CHST11: variants seen among roughly 807,000 people sequenced by gnomAD.
CHST11 encodes the protein C4S-1.
CHST11 carries 9 observed loss-of-function variants against 30.4 expected under a neutral mutation model. That is an observed-to-expected ratio of 0.30 (90% CI 0.18 to 0.52). The LOEUF (loss-of-function observed/expected upper bound fraction) is 0.52. Ranked by LOEUF, CHST11 falls within the 20% of genes least tolerant of loss-of-function variation. The pLI is 0.97. For synonymous variants in CHST11, 152 were observed against 187.8 expected (o/e 0.81, Z 1.56); for missense variants, 348 against 460.6 (o/e 0.76, Z 2.24).
chr12:104,756,614 C>T (rs908783744), intron 2 of CHST11, among the ~76,000 whole-genome samples: 1 of 151,714 alleles, frequency 6.6e-6, no homozygotes, highest in African/African-American at 2.4e-5. Context: ...GTGGCACAGT[C>T]ATACCTCAAG....
intron 1 of CHST11, chr12:104,552,857 C>T (rs2038418014): frequency 6.6e-6 from 1 of 152,234 alleles, no homozygotes; most frequent in Admixed American, 6.5e-5. Flanking sequence ...CTTCCTCCCA[C>T]CCTTGGCCGA....
At chr12:104,710,445 C>G (rs1280065694) in intron 2 of CHST11, among the ~76,000 whole-genome samples, 1 of 152,078 alleles carries the variant, frequency 6.6e-6, no homozygotes, top group African/African-American at 2.4e-5. Context: ...GCTTCATTCC[C>G]GCTTGCGGTT....
At chr12:104,476,739 T>A (rs11112074) in intron 1 of CHST11, among the ~76,000 whole-genome samples, 18,479 of 151,722 alleles carry the variant, frequency 0.12, 1,234 homozygotes, top group South Asian at 0.19. Context: ...AGTGTGTGAA[T>A]ATGTCCATCT....
At chr12:104,590,584 A>C (rs1281216782) in intron 1 of CHST11, among the ~76,000 whole-genome samples, 1 of 152,186 alleles carries the variant, frequency 6.6e-6, no homozygotes, top group East Asian at 1.9e-4. Context: ...ACAGCCAATA[A>C]AGCATTTAAG....
At chr12:104,556,736 T>G in intron 1 of CHST11, among the ~76,000 whole-genome samples, 1 of 152,314 alleles carries the variant, frequency 6.6e-6, no homozygotes, top group East Asian at 1.9e-4. Context: ...ATCCCAGCAC[T>G]TTGGGAGGCC....
intron 2 of CHST11, among the ~76,000 whole-genome samples, chr12:104,670,471 C>CCCCCCACA (rs796644521): frequency 6.7e-6 from 1 of 150,272 alleles, no homozygotes; most frequent in Non-Finnish European, 1.5e-5. Flanking sequence ...ATGTTCAGAC[C>CCCCCCACA]CACACACACA....
intron 1 of CHST11, among the ~76,000 whole-genome samples, chr12:104,587,045 C>A (rs1409512186): frequency 2.0e-5 from 3 of 152,192 alleles, no homozygotes; most frequent in South Asian, 4.1e-4. Context: ...TCCTTTACCC[C>A]AGACACTCAC....
chr12:104,649,245 G>A (rs771101570), intron 2 of CHST11, among the ~76,000 whole-genome samples: 1 of 152,108 alleles, frequency 6.6e-6, no homozygotes, highest in Non-Finnish European at 1.5e-5. Flanking sequence ...CGGAACAGAG[G>A]TTACTGACTC....
intron 2 of CHST11, among the ~76,000 whole-genome samples, chr12:104,609,409 G>A (rs1388113920): frequency 6.6e-6 from 1 of 152,182 alleles, no homozygotes; most frequent in African/African-American, 2.4e-5. Context: ...ATAGACTAGC[G>A]AGGCCCATTG....
At chr12:104,643,686 G>A (rs1255536864) in intron 2 of CHST11, among the ~76,000 whole-genome samples, 1 of 151,606 alleles carries the variant, frequency 6.6e-6, no homozygotes, top group Non-Finnish European at 1.5e-5. Flanking sequence ...TTTTGTTGTT[G>A]CACTTGAGGA....
intron 1 of CHST11, among the ~76,000 whole-genome samples, chr12:104,488,065 C>T (rs994140484): frequency 6.6e-6 from 1 of 152,146 alleles, no homozygotes; most frequent in Non-Finnish European, 1.5e-5. Flanking sequence ...CGTGCCACCA[C>T]GCCTGGTTTA....
intron 2 of CHST11, among the ~76,000 whole-genome samples, chr12:104,739,680 G>T (rs1220576692): frequency 1.3e-5 from 2 of 152,196 alleles, no homozygotes; most frequent in Non-Finnish European, 2.9e-5. Flanking sequence ...TTAATTGCTT[G>T]TCCCTTAAGA....
At chr12:104,727,852 C>G (rs1230943473) in intron 2 of CHST11, among the ~76,000 whole-genome samples, 2 of 152,150 alleles carry the variant, frequency 1.3e-5, no homozygotes, top group Non-Finnish European at 2.9e-5. Flanking sequence ...GAACTGAGAA[C>G]AGGGACCCTA....
chr12:104,552,635 C>T (rs564177730), intron 1 of CHST11: 3 of 152,296 alleles, frequency 2.0e-5, no homozygotes, highest in South Asian at 4.1e-4. Context: ...GGCTGTCTTC[C>T]TTTCATTCCT....
At chr12:104,655,224 A>G (rs1027718881) in intron 2 of CHST11, among the ~76,000 whole-genome samples, 1 of 152,248 alleles carries the variant, frequency 6.6e-6, no homozygotes, top group East Asian at 1.9e-4. Flanking sequence ...GACTTCGCAG[A>G]GCCTAGAGCG....
At chr12:104,494,731 T>A (rs2037783214) in intron 1 of CHST11, among the ~76,000 whole-genome samples, 1 of 152,182 alleles carries the variant, frequency 6.6e-6, no homozygotes, top group Non-Finnish European at 1.5e-5. Flanking sequence ...CATCTAGAGT[T>A]CATTTTGTAA....
chr12:104,547,204 A>G (rs2038359416), intron 1 of CHST11, among the ~76,000 whole-genome samples: 1 of 152,186 alleles, frequency 6.6e-6, no homozygotes, highest in Non-Finnish European at 1.5e-5. Flanking sequence ...GACTGGATAC[A>G]GGAGAAAGAA....
At chr12:104,487,778 C>T (rs188673469) in intron 1 of CHST11, among the ~76,000 whole-genome samples, 3,848 of 150,918 alleles carry the variant, frequency 0.025, 161 homozygotes, top group African/African-American at 0.09. Flanking sequence ...CATAGAGTTG[C>T]GTATCATTTA....
At chr12:104,616,931 C>T (rs1296354025) in intron 2 of CHST11, among the ~76,000 whole-genome samples, 1 of 151,180 alleles carries the variant, frequency 6.6e-6, no homozygotes, top group African/African-American at 2.4e-5. Flanking sequence ...CCAGAAGAGG[C>T]CCTGACCTCT....
Sources: gnomAD v4.1 joint callset for allele counts (sites outside exome capture counted in the v4.1 genomes callset) on GRCh38, gnomAD v4.1.1 for gene constraint, MANE v1.5 for transcripts, NCBI Gene and HGNC (gene_info 2026-07-23, HGNC 2026-07-21) for gene names.